The following BACH2 variants were observed in gnomAD, a reference collection of about 807,000 sequenced individuals.
BACH2 encodes the protein transcription regulator protein BACH2.
BACH2 carries 5 observed loss-of-function variants against 61.8 expected under a neutral mutation model. The observed-to-expected ratio is 0.08, with a 90% CI of 0.04 to 0.17. The LOEUF (loss-of-function observed/expected upper bound fraction) is 0.17. BACH2 is among the 10% of genes least tolerant of loss of function. The pLI is 1.00. For synonymous variants in BACH2, 446 were observed against 440.1 expected (o/e 1.01, Z -0.17); for missense variants, 824 against 1,091.1 (o/e 0.76, Z 3.45).
At chr6:90,136,375 C>T (rs1562467376) in intron 4 of BACH2, among the ~76,000 whole-genome samples, 1 of 152,232 alleles carries the variant, frequency 6.6e-6, no homozygotes, top group South Asian at 2.1e-4. Flanking sequence ...TTGCCAACTG[C>T]AGCAGTAGCT....
chr6:89,954,697 G>A (rs1305955429), intron 6 of BACH2, among the ~76,000 whole-genome samples: 5 of 151,994 alleles, frequency 3.3e-5, no homozygotes, highest in Admixed American at 6.6e-5. Context: ...AAGCATCTCC[G>A]CTCAGGGACG....
intron 4 of BACH2, among the ~76,000 whole-genome samples, chr6:90,178,283 G>C (rs1281215253): frequency 6.6e-6 from 1 of 152,054 alleles, no homozygotes; most frequent in Non-Finnish European, 1.5e-5. Flanking sequence ...TATTACCTAA[G>C]ATGACATTCT....
chr6:90,225,091 AACAAC>A (rs1769867075), intron 3 of BACH2, among the ~76,000 whole-genome samples: 2 of 152,038 alleles, frequency 1.3e-5, no homozygotes, highest in South Asian at 4.1e-4. Context: ...CAACAACAAC[AACAAC>A]AAACAAGGTT....
At chr6:90,245,412 G>C (rs1770599467) in intron 3 of BACH2, among the ~76,000 whole-genome samples, 1 of 152,086 alleles carries the variant, frequency 6.6e-6, no homozygotes, top group Non-Finnish European at 1.5e-5. Context: ...GCAACATAGA[G>C]AGACTCTGTT....
At chr6:89,941,501 A>T (rs1407287323) in intron 7 of BACH2, among the ~76,000 whole-genome samples, 1 of 152,256 alleles carries the variant, frequency 6.6e-6, no homozygotes, top group East Asian at 1.9e-4. Context: ...TGCTAAAGAC[A>T]GGCAGCCAGG....
chr6:90,113,977 T>C (rs1364233592), intron 4 of BACH2, among the ~76,000 whole-genome samples: 1 of 152,086 alleles, frequency 6.6e-6, no homozygotes, highest in Non-Finnish European at 1.5e-5. Context: ...AGGAAGAAAT[T>C]GATTCCCTGA....
chr6:89,954,841 TGAAA>T (rs1249415045), intron 6 of BACH2, among the ~76,000 whole-genome samples: 2 of 152,202 alleles, frequency 1.3e-5, no homozygotes, highest in Non-Finnish European at 2.9e-5. Flanking sequence ...CATATGGTCA[TGAAA>T]GAGTCATAGA....
chr6:90,129,941 C>T (rs1334686599), intron 4 of BACH2, among the ~76,000 whole-genome samples: 1 of 152,142 alleles, frequency 6.6e-6, no homozygotes, highest in East Asian at 1.9e-4. Flanking sequence ...GCGATCTCAG[C>T]TCACTGCAAC....
chr6:89,951,775 G>A lies in BACH2; in HGVS notation c.331C>T (p.Arg111Cys). Reference protein sequence around the residue: ...LSRENIREVIRCAEFLRMHNL... With the variant: ...LSRENIREVICCAEFLRMHNL... ...TGCATGCGCAGGAACTCAGCACAGC[G>A]GATGACCTCGCGGATGTTTTCTCTG... is the stretch of plus-strand genomic sequence containing the variant. The change falls in exon 7 of 9, where the codon CGC becomes TGC. Residue 111 changes from arginine (R) to cysteine (C), a missense_variant. Coordinates refer to ENST00000257749, the MANE Select transcript of BACH2 (RefSeq NM_021813.4). The surrounding 1 kb of genome is among the most constrained non-coding windows in gnomAD (Gnocchi z 6.4). 1 of 1,614,248 alleles carries A rather than the reference G, an allele frequency of 6.2e-7. No individual in the cohort carries two copies. The highest frequency in any genetic ancestry group is 8.5e-7 in the Non-Finnish European group (1 of 1,180,052).
At chr6:90,108,964 A>G (rs1417721743) in intron 4 of BACH2, among the ~76,000 whole-genome samples, 1 of 152,010 alleles carries the variant, frequency 6.6e-6, no homozygotes, top group Non-Finnish European at 1.5e-5. Flanking sequence ...TTCTGAATTT[A>G]CCTTCACTGT....
In BACH2 at chr6:89,927,258, TTA is replaced by T. The variant is rs1384088990; in HGVS notation, c.*5148_*5149del. ...ATCACTCACTAGAGGTGCCATGTCT[TTA>T]TGTCAGAGCGTGAAACGGGCATCCC... On this transcript the variant is annotated 3_prime_UTR_variant, in exon 9 of 9. Transcript: ENST00000257749. 2 of 152,386 alleles carry T rather than the reference TTA, an allele frequency of 1.3e-5. No homozygotes were observed. The highest frequency in any genetic ancestry group is 2.9e-5 in the Non-Finnish European group (2 of 68,038). 9.4% of individuals were successfully genotyped at this position (152,386 alleles called of 1,614,324 possible). A position where few individuals can be genotyped will look rare whatever the true frequency, so the allele number is the denominator to read the frequency against.
chr6:90,153,524 AAG>A (rs1784897001), intron 4 of BACH2, among the ~76,000 whole-genome samples: 1 of 152,216 alleles, frequency 6.6e-6, no homozygotes, highest in Non-Finnish European at 1.5e-5. Flanking sequence ...ATATATAAAT[AAG>A]AGTTTTTCTT....
At chr6:89,949,096 CTG>C (rs529009568) in intron 7 of BACH2, among the ~76,000 whole-genome samples, 24 of 152,188 alleles carry the variant, frequency 1.6e-4, no homozygotes, top group Non-Finnish European at 3.2e-4. Context: ...GCACGTGGCT[CTG>C]TGAAAAGCCA....
At chr6:90,058,678 C>G (rs947289089) in intron 5 of BACH2, among the ~76,000 whole-genome samples, 1 of 152,080 alleles carries the variant, frequency 6.6e-6, no homozygotes, top group Non-Finnish European at 1.5e-5. Context: ...CAATCCTAAG[C>G]CAAAAGAACA....
chr6:89,950,777 G>A lies in BACH2; in HGVS notation c.1329C>T (p.Thr443=), dbSNP rs1401714484. The A allele has an allele frequency of 1.2e-6, 2 of 1,614,182 alleles. No individual in the cohort carries two copies. The highest frequency in any genetic ancestry group is 1.7e-6 in the Non-Finnish European group (2 of 1,180,038). The change falls in exon 7 of 9, where the codon ACC becomes ACT. Residue 443 remains threonine (T), a synonymous_variant. Transcript: ENST00000257749. The surrounding 1 kb of genome is among the most constrained non-coding windows in gnomAD (Gnocchi z 5.3). Reference sequence around the variant, plus strand: ...TCACCCCAGAATAAGAATGCACCGAGGTGCTCACTTGGTCACAAGCGCTGG... The same window carrying A: ...TCACCCCAGAATAAGAATGCACCGAAGTGCTCACTTGGTCACAAGCGCTGG... ...FSSSACDQVS[T]SVHSYSGVSS...
intron 5 of BACH2, among the ~76,000 whole-genome samples, chr6:90,011,975 T>C (rs1777749461): frequency 7.1e-6 from 1 of 139,912 alleles, no homozygotes; most frequent in South Asian, 2.1e-4. Context: ...TGTGTGTGTG[T>C]ATGAGTGATG....
intron 5 of BACH2, among the ~76,000 whole-genome samples, chr6:90,077,929 C>T (rs1208515710): frequency 1.3e-5 from 2 of 152,250 alleles, no homozygotes; most frequent in East Asian, 3.9e-4. Context: ...ACAATTATGA[C>T]TTTGTACTGT....
intron 4 of BACH2, among the ~76,000 whole-genome samples, chr6:90,175,885 A>G (rs1179115455): frequency 6.6e-6 from 1 of 151,886 alleles, no homozygotes; most frequent in Non-Finnish European, 1.5e-5. Context: ...TGCCTTTACT[A>G]TACCACAGCC....
At chr6:90,199,416 C>T (rs777247369) in intron 4 of BACH2, among the ~76,000 whole-genome samples, 21 of 152,190 alleles carry the variant, frequency 1.4e-4, no homozygotes, top group South Asian at 6.2e-4. Context: ...TACACACACA[C>T]GCACACATTA....
Sources: allele counts gnomAD v4.1 joint callset (sites outside exome capture counted in the v4.1 genomes callset), GRCh38; gene constraint gnomAD v4.1.1; non-coding constraint Gnocchi (gnomAD v3.1); transcripts MANE v1.5; gene names NCBI Gene and HGNC (gene_info 2026-07-23, HGNC 2026-07-21).